Variants in TNRC6B observed in about 807,000 individuals in gnomAD.
The protein encoded by TNRC6B is trinucleotide repeat containing adaptor 6B.
In TNRC6B, 52 loss-of-function variants were observed where a neutral mutation model predicts 203.6. The ratio of observed to expected loss-of-function variants is 0.26; its 90% CI spans 0.20 to 0.32. TNRC6B has a LOEUF of 0.32. Ranked by LOEUF, TNRC6B falls within the 10% of genes least tolerant of loss-of-function variation. The probability of loss-of-function intolerance (pLI) is 1.00; values close to 1 mark genes in which losing one functional copy is unlikely to be tolerated. For synonymous variants in TNRC6B, 838 were observed against 845.7 expected (o/e 0.99, Z 0.16); for missense variants, 1,923 against 2,286.2 (o/e 0.84, Z 3.24).
chr22:40,320,186 T>C (rs948035883), intron 21 of TNRC6B, among the ~76,000 whole-genome samples: 2 of 152,156 alleles, frequency 1.3e-5, no homozygotes, highest in South Asian at 2.1e-4. Context: ...AAATACCTAT[T>C]TAAGATCTTG....
intron 15 of TNRC6B, among the ~76,000 whole-genome samples, chr22:40,303,046 C>CTTCT (rs1555898698): frequency 4.0e-4 from 36 of 90,070 alleles, no homozygotes; most frequent in Middle Eastern, 5.8e-3. Flanking sequence ...TCTTCTTCTT[C>CTTCT]TTTTTTTTTT....
chr22:40,049,435 A>G (rs1297337416), intron 1 of TNRC6B, among the ~76,000 whole-genome samples: 2 of 152,020 alleles, frequency 1.3e-5, no homozygotes, highest in Non-Finnish European at 2.9e-5. Flanking sequence ...GATAAACACT[A>G]AGGTCAATTA....
chr22:40,064,428 A>G (rs917419571), intron 1 of TNRC6B, among the ~76,000 whole-genome samples: 1 of 150,590 alleles, frequency 6.6e-6, no homozygotes, highest in Non-Finnish European at 1.5e-5. Flanking sequence ...TTTTACTCCT[A>G]GTTTTGGGTG....
chr22:40,325,413 A>C lies in TNRC6B; in HGVS notation c.*2172A>C, dbSNP rs1396354188. 6.6e-6 allele frequency: 1 copy of C among 152,546 alleles called. No individual in the cohort carries two copies. The highest frequency in any genetic ancestry group is 1.9e-4 in the East Asian group (1 of 5,186). 9.4% of individuals were successfully genotyped at this position (152,546 alleles called of 1,614,324 possible). On this transcript the variant is annotated 3_prime_UTR_variant, in exon 23 of 23. Coordinates refer to ENST00000454349, the MANE Select transcript of TNRC6B (RefSeq NM_001162501.2). ...TTCTGGCTTACCCTGTTGATTATAA[A>C]CCTAGCCTCAAAAGAGATTGACAGG...
intron 15 of TNRC6B, among the ~76,000 whole-genome samples, chr22:40,307,232 C>T (rs375363853): frequency 6.6e-6 from 1 of 152,136 alleles, no homozygotes; most frequent in Non-Finnish European, 1.5e-5. Context: ...GGAGGAAAAA[C>T]ACAACCTGAT....
chr22:40,318,818 C>T (rs2071294997), intron 21 of TNRC6B, among the ~76,000 whole-genome samples: 1 of 152,080 alleles, frequency 6.6e-6, no homozygotes, highest in Admixed American at 6.5e-5. Flanking sequence ...GCCTGTAATC[C>T]CAACACTTTT....
At chr22:40,253,341 C>A (rs927578196) in intron 3 of TNRC6B, among the ~76,000 whole-genome samples, 2 of 151,406 alleles carry the variant, frequency 1.3e-5, no homozygotes, top group Non-Finnish European at 2.9e-5. Flanking sequence ...CCGCCTGCCT[C>A]GGCCTCCCAA....
Position 40,279,805 on chromosome 22 carries a change from C to G in TNRC6B, c.3263-190C>G, listed in dbSNP as rs922373570. Among the ~76,000 whole-genome samples the G allele has an allele frequency of 3.3e-5, 5 of 152,062 alleles. No individual in the cohort carries two copies. In the East Asian group the frequency reaches 9.6e-4, roughly 29 times the overall value. ...AAAATAAATAAATAAATAAAAAGGA[C>G]CCATGTGTGTTCCAGGGACAAACAC... On this transcript the variant is annotated intron_variant, in intron 9 of 22. Coordinates refer to ENST00000454349, the MANE Select transcript of TNRC6B (RefSeq NM_001162501.2).
chr22:40,189,343 A>G (rs1441632166), intron 1 of TNRC6B, among the ~76,000 whole-genome samples: 2 of 152,180 alleles, frequency 1.3e-5, no homozygotes, highest in Non-Finnish European at 2.9e-5. Context: ...GAAAAGCCTC[A>G]TGGAAAACAC....
In TNRC6B at chr22:40,273,529, A is replaced by T; in HGVS notation, c.3070A>T (p.Thr1024Ser). The change falls in exon 7 of 23, where the codon ACT becomes TCT. Residue 1024 changes from threonine (T) to serine (S), a missense_variant. Transcript: ENST00000454349. ...EEEDGGVWNTTGSQGSASSHN... is the reference protein window; with the variant it reads ...EEEDGGVWNTSGSQGSASSHN... The stretch of plus-strand genomic sequence containing the variant: ...GGAGGATGGAGGAGTCTGGAACACC[A>T]CTGGCTCTCAGGGCAGTGCTTCCTC... The T allele has an allele frequency of 6.3e-7, 1 of 1,596,624 alleles. No individual in the cohort carries two copies. Among genetic ancestry groups the T allele is most frequent in the Non-Finnish European group, 8.5e-7 (1 of 1,171,368 alleles).
intron 12 of TNRC6B, among the ~76,000 whole-genome samples, chr22:40,286,270 G>A (rs763344453): frequency 4.6e-5 from 7 of 152,112 alleles, no homozygotes; most frequent in Non-Finnish European, 8.8e-5. Context: ...CTTGAGTCCC[G>A]GAGTTTGAGA....
At chr22:40,112,398 A>G (rs1445432888) in intron 1 of TNRC6B, among the ~76,000 whole-genome samples, 1 of 152,164 alleles carries the variant, frequency 6.6e-6, no homozygotes, top group Non-Finnish European at 1.5e-5. Context: ...TCTGCCATGT[A>G]CAGCAGCAGC....
chr22:40,087,881 A>G (rs904089138), intron 1 of TNRC6B, among the ~76,000 whole-genome samples: 4 of 152,142 alleles, frequency 2.6e-5, no homozygotes, highest in African/African-American at 9.7e-5. Flanking sequence ...ACAGATGTAC[A>G]GCGTTTGGTG....
intron 1 of TNRC6B, among the ~76,000 whole-genome samples, chr22:40,205,519 A>G (rs888629486): frequency 6.6e-6 from 1 of 152,212 alleles, no homozygotes; most frequent in African/African-American, 2.4e-5. Flanking sequence ...ATCAACCTAG[A>G]AGCTTTGGGA....
At chr22:40,179,550 C>T (rs918708012) in intron 1 of TNRC6B, among the ~76,000 whole-genome samples, 9 of 152,176 alleles carry the variant, frequency 5.9e-5, no homozygotes, top group African/African-American at 1.9e-4. Context: ...ATATCCCCAT[C>T]ATTAAATATG....
chr22:40,261,689 T>G, intron 3 of TNRC6B, 143 bp from the exon 4 acceptor site: 1 of 612,544 alleles, frequency 1.6e-6, no homozygotes, highest in South Asian at 6.8e-5. Flanking sequence ...GGTGGGAGAG[T>G]CCCTTGAGCC....
Position 40,328,262 on chromosome 22 carries a change from A to G in TNRC6B, c.*5021A>G, listed in dbSNP as rs1339687096. The G allele has an allele frequency of 1.3e-5, 2 of 152,178 alleles. No individual in the cohort carries two copies. 9.4% of individuals were successfully genotyped at this position (152,178 alleles called of 1,614,324 possible). On this transcript the variant is annotated 3_prime_UTR_variant, in exon 23 of 23. Coordinates refer to ENST00000454349, the MANE Select transcript of TNRC6B (RefSeq NM_001162501.2). The stretch of plus-strand genomic sequence containing the variant: ...TATCCATTTATTGCTAGTTAGTTTT[A>G]TTTATAGCAACTTGATTTCCTATGA...
intron 1 of TNRC6B, among the ~76,000 whole-genome samples, chr22:40,099,466 C>T (rs1276192075): frequency 2.0e-5 from 3 of 152,086 alleles, no homozygotes. Context: ...AAGATTAGTA[C>T]AGCGGTCCTC....
intron 1 of TNRC6B, among the ~76,000 whole-genome samples, chr22:40,228,881 C>T (rs548544708): frequency 6.6e-6 from 1 of 152,136 alleles, no homozygotes; most frequent in Admixed American, 6.5e-5. Flanking sequence ...TAATTTCAGG[C>T]TGTTGTTAGA....
Sources: gnomAD v4.1 joint callset for allele counts (sites outside exome capture counted in the v4.1 genomes callset) on GRCh38, gnomAD v4.1.1 for gene constraint, MANE v1.5 for transcripts, NCBI Gene and HGNC (gene_info 2026-07-23, HGNC 2026-07-21) for gene names.